The following HIVEP2 variants were observed in gnomAD, a reference collection of about 807,000 sequenced individuals.
HIVEP2 encodes the protein HIVEP zinc finger 2.
Under a neutral mutation model 180.7 loss-of-function variants are expected in HIVEP2, and 14 were observed. That is an observed-to-expected ratio of 0.08 (90% CI 0.05 to 0.12). HIVEP2 has a LOEUF of 0.12. Among genes scored for constraint, HIVEP2 ranks in the 10% least tolerant of loss-of-function variants. The pLI is 1.00. For synonymous variants in HIVEP2, 1,184 were observed against 1,136.4 expected (o/e 1.04, Z -0.84); for missense variants, 2,579 against 3,008.5 (o/e 0.86, Z 3.34).
At chr6:142,819,888 T>A (rs1776980526) in intron 2 of HIVEP2, among the ~76,000 whole-genome samples, 1 of 152,196 alleles carries the variant, frequency 6.6e-6, no homozygotes, top group Admixed American at 6.5e-5. Flanking sequence ...TCCATGTCCG[T>A]GCAATAAAAT....
intron 2 of HIVEP2, among the ~76,000 whole-genome samples, chr6:142,795,601 A>T (rs954488753): frequency 2.0e-5 from 3 of 152,192 alleles, no homozygotes; most frequent in Non-Finnish European, 4.4e-5. Context: ...CATAGATGTA[A>T]ATTATTTGAA....
chr6:142,921,539 G>A (rs537371973), intron 1 of HIVEP2, among the ~76,000 whole-genome samples: 1 of 152,276 alleles, frequency 6.6e-6, no homozygotes, highest in South Asian at 2.1e-4. Context: ...TTCCTCAAAA[G>A]AAAAGAGGAT....
intron 1 of HIVEP2, among the ~76,000 whole-genome samples, chr6:142,862,787 TAC>T: frequency 7.4e-6 from 1 of 135,032 alleles, no homozygotes; most frequent in East Asian, 2.1e-4. Flanking sequence ...GTAATTATAT[TAC>T]ATATAATATA....
intron 1 of HIVEP2, among the ~76,000 whole-genome samples, chr6:142,855,133 C>T (rs938333643): frequency 2.0e-5 from 3 of 152,324 alleles, no homozygotes; most frequent in South Asian, 4.1e-4. Context: ...TTATGAAACC[C>T]GCTTCATTAA....
At chr6:142,936,135 C>T (rs988168864) in intron 1 of HIVEP2, among the ~76,000 whole-genome samples, 1 of 151,804 alleles carries the variant, frequency 6.6e-6, no homozygotes, top group African/African-American at 2.4e-5. Flanking sequence ...AAGGATGTGT[C>T]ATTTGTAAAC....
At chr6:142,907,289 T>C (rs1777288499) in intron 1 of HIVEP2, among the ~76,000 whole-genome samples, 1 of 152,320 alleles carries the variant, frequency 6.6e-6, no homozygotes, top group Non-Finnish European at 1.5e-5. Flanking sequence ...CAGGCAATTC[T>C]CAACTTACAA....
intron 1 of HIVEP2, among the ~76,000 whole-genome samples, chr6:142,941,145 A>G (rs966201833): frequency 6.6e-6 from 1 of 152,188 alleles, no homozygotes; most frequent in Non-Finnish European, 1.5e-5. Flanking sequence ...GGCAGTTCTG[A>G]TTCTATTCTA....
intron 2 of HIVEP2, among the ~76,000 whole-genome samples, chr6:142,804,123 A>G (rs1483409489): frequency 6.6e-6 from 1 of 152,204 alleles, no homozygotes; most frequent in Non-Finnish European, 1.5e-5. Context: ...ATTTTATTCA[A>G]TATGTATAAA....
intron 1 of HIVEP2, among the ~76,000 whole-genome samples, chr6:142,846,374 G>C (rs1392652920): frequency 6.6e-6 from 1 of 152,114 alleles, no homozygotes; most frequent in African/African-American, 2.4e-5. Context: ...GGTCCTTCCC[G>C]GCCAGCGGCC....
In HIVEP2 at chr6:142,771,307, G is replaced by A; in HGVS notation, c.3432C>T (p.Pro1144=). The A allele has an allele frequency of 1.2e-6, 2 of 1,613,444 alleles. No individual in the cohort carries two copies. The highest frequency in any genetic ancestry group is 1.7e-6 in the Non-Finnish European group (2 of 1,180,034). ...DPGKQVAGPC[P]PLSSGPLHLA... ...GGTGCAGTGGCCCCGAGCTCAGCGG[G>A]GGACAAGGACCCGCCACCTGCTTCC... is the stretch of plus-strand genomic sequence containing the variant. The change falls in exon 5 of 10, where the codon CCC becomes CCT. Residue 1144 remains proline (P), a synonymous_variant. Coordinates refer to ENST00000367603, the MANE Select transcript of HIVEP2 (RefSeq NM_006734.4). The surrounding 1 kb of genome is among the most constrained non-coding windows in gnomAD (Gnocchi z 5.4).
At chr6:142,763,186 A>C (rs1458453726) in intron 7 of HIVEP2, among the ~76,000 whole-genome samples, 1 of 152,226 alleles carries the variant, frequency 6.6e-6, no homozygotes. Flanking sequence ...GATCTGAAAC[A>C]ATTCTACCAT....
intron 2 of HIVEP2, among the ~76,000 whole-genome samples, chr6:142,785,323 A>T (rs1007696697): frequency 2.9e-5 from 4 of 139,282 alleles, no homozygotes; most frequent in African/African-American, 1.0e-4. Context: ...AAAAAAAAAA[A>T]AAAAAAAAAA....
intron 1 of HIVEP2, among the ~76,000 whole-genome samples, chr6:142,850,488 AC>A (rs1202318955): frequency 2.6e-5 from 4 of 152,210 alleles, no homozygotes; most frequent in Admixed American, 1.3e-4. Flanking sequence ...ATAAACTTTG[AC>A]CATATAATTT....
intron 3 of HIVEP2, among the ~76,000 whole-genome samples, chr6:142,778,375 C>T (rs956322502): frequency 3.9e-5 from 6 of 152,180 alleles, no homozygotes; most frequent in Non-Finnish European, 7.3e-5. Flanking sequence ...TTCATGTAGA[C>T]ACAACCTCTG....
At chr6:142,844,173 T>A (rs1171183291) in intron 1 of HIVEP2, among the ~76,000 whole-genome samples, 4 of 152,172 alleles carry the variant, frequency 2.6e-5, no homozygotes, top group Non-Finnish European at 4.4e-5. Context: ...GTGTTTTTTT[T>A]AATCTTAAAA....
At chr6:142,905,724 C>T (rs905796281) in intron 1 of HIVEP2, among the ~76,000 whole-genome samples, 1 of 152,100 alleles carries the variant, frequency 6.6e-6, no homozygotes, top group Non-Finnish European at 1.5e-5. Context: ...ATAATAGACC[C>T]TTTAACTATT....
intron 1 of HIVEP2, among the ~76,000 whole-genome samples, chr6:142,876,477 A>C (rs1206374493): frequency 6.6e-6 from 1 of 152,142 alleles, no homozygotes; most frequent in African/African-American, 2.4e-5. Context: ...TTCAAGACAG[A>C]AGCTTCCATA....
intron 7 of HIVEP2, among the ~76,000 whole-genome samples, chr6:142,764,464 C>T (rs1318354533): frequency 6.6e-6 from 1 of 152,228 alleles, no homozygotes; most frequent in Admixed American, 6.5e-5. Flanking sequence ...AATACCACTG[C>T]ATGTGCAGGA....
At chr6:142,869,291 C>G (rs1312290643) in intron 1 of HIVEP2, among the ~76,000 whole-genome samples, 1 of 152,144 alleles carries the variant, frequency 6.6e-6, no homozygotes, top group African/African-American at 2.4e-5. Context: ...CTACCTACCT[C>G]TTCCCTGAAA....
Sources: allele counts gnomAD v4.1 joint callset (sites outside exome capture counted in the v4.1 genomes callset), GRCh38; gene constraint gnomAD v4.1.1; non-coding constraint Gnocchi (gnomAD v3.1); transcripts MANE v1.5; gene names NCBI Gene and HGNC (gene_info 2026-07-23, HGNC 2026-07-21).